The following ADCY9 variants were observed in gnomAD, a reference collection of about 807,000 sequenced individuals.
The protein encoded by ADCY9 is adenylate cyclase type 9.
A neutral mutation model predicts 101.5 loss-of-function variants in ADCY9; 50 were observed. The observed-to-expected ratio is 0.49, with a 90% CI of 0.39 to 0.62. The LOEUF (loss-of-function observed/expected upper bound fraction) is 0.62, where lower values mean the gene tolerates loss of function less well. Among genes scored for constraint, ADCY9 ranks in the 20% least tolerant of loss-of-function variants. ADCY9 has a pLI of 0.00. For synonymous variants in ADCY9, 905 were observed against 769.3 expected, an observed-to-expected ratio of 1.18 and a Z score of -2.92; for missense variants, 1,662 against 1,800.4, an observed-to-expected ratio of 0.92 and a Z score of 1.39.
intron 2 of ADCY9, among the ~76,000 whole-genome samples, chr16:4,031,737 C>A (rs1303636572): frequency 2.6e-5 from 4 of 151,762 alleles, no homozygotes; most frequent in Non-Finnish European, 5.9e-5. Flanking sequence ...ATTAATCAGG[C>A]ATGGTGGTGC....
At chr16:4,055,461 G>T (rs571792819) in intron 2 of ADCY9, among the ~76,000 whole-genome samples, 1 of 151,792 alleles carries the variant, frequency 6.6e-6, no homozygotes, top group African/African-American at 2.4e-5. Flanking sequence ...TTGAACCCAG[G>T]AGGTAGAGGT....
chr16:3,983,033 T>C lies in ADCY9; in HGVS notation c.2519+199A>G, dbSNP rs1048028513. On this transcript the variant is annotated intron_variant, in intron 7 of 10. Transcript: ENST00000294016. Reference sequence around the variant, plus strand: ...GGCACCGCCCCCTCCAGCGAGGTGGTCCCCCCGCATCTGGGCCAACGTCAG... The same window carrying C: ...GGCACCGCCCCCTCCAGCGAGGTGGCCCCCCCGCATCTGGGCCAACGTCAG... The C allele has an allele frequency of 1.0e-3, 616 of 599,090 alleles. 1 individual carries two copies. Among genetic ancestry groups the C allele is most frequent in the Non-Finnish European group, 1.5e-3 (518 of 344,096 alleles). 37.1% of individuals were successfully genotyped at this position (599,090 alleles called of 1,614,324 possible). A position where few individuals can be genotyped will look rare whatever the true frequency, so the allele number is the denominator to read the frequency against.
At chr16:4,084,618 C>G (rs553603025) in intron 2 of ADCY9, among the ~76,000 whole-genome samples, 3 of 152,046 alleles carry the variant, frequency 2.0e-5, no homozygotes, top group Non-Finnish European at 4.4e-5. Context: ...TCCAGCTACT[C>G]AGGAGGCTGA....
intron 2 of ADCY9, among the ~76,000 whole-genome samples, chr16:4,068,362 T>C (rs1440111227): frequency 6.6e-6 from 1 of 152,024 alleles, no homozygotes; most frequent in Non-Finnish European, 1.5e-5. Flanking sequence ...TAGTACAAGT[T>C]CCTCTAATCC....
In ADCY9 at chr16:3,992,822, C is replaced by T. The variant is rs891066147; in HGVS notation, c.1990-459G>A. On this transcript the variant is annotated intron_variant, in intron 4 of 10. Coordinates refer to ENST00000294016, the MANE Select transcript of ADCY9 (RefSeq NM_001116.4). The surrounding 1 kb of genome is among the most constrained non-coding windows in gnomAD (Gnocchi z 4.2). Reference sequence around the variant, plus strand: ...ACGGGCTCGTGTCGTGGGTGTCCCCCGTGGCTGTGGGAAGGCATGGGATGA... The same window carrying T: ...ACGGGCTCGTGTCGTGGGTGTCCCCTGTGGCTGTGGGAAGGCATGGGATGA... Among the ~76,000 whole-genome samples, 7 of 152,084 alleles carry T rather than the reference C, an allele frequency of 4.6e-5. No homozygotes were observed. The highest frequency in any genetic ancestry group is 2.0e-4 in the Admixed American group (3 of 15,260).
intron 2 of ADCY9, among the ~76,000 whole-genome samples, chr16:4,031,474 G>C (rs2056554713): frequency 6.6e-6 from 1 of 152,194 alleles, no homozygotes; most frequent in Non-Finnish European, 1.5e-5. Context: ...CCTACACTGA[G>C]ACAGCCAAAG....
chr16:4,043,088 G>T (rs567031587), intron 2 of ADCY9, among the ~76,000 whole-genome samples: 1 of 152,018 alleles, frequency 6.6e-6, no homozygotes, highest in African/African-American at 2.4e-5. Flanking sequence ...AAAATTAGCC[G>T]GGCGTGGTGG....
chr16:4,059,446 G>A (rs573599816), intron 2 of ADCY9, among the ~76,000 whole-genome samples: 9 of 151,292 alleles, frequency 5.9e-5, no homozygotes, highest in Non-Finnish European at 1.2e-4. Context: ...AAGATGACCT[G>A]GGGAGAGGGG....
At chr16:4,018,787 T>C (rs2056455336) in intron 2 of ADCY9, among the ~76,000 whole-genome samples, 1 of 152,190 alleles carries the variant, frequency 6.6e-6, no homozygotes, top group African/African-American at 2.4e-5. Context: ...ACAGAGCACA[T>C]GCAGACTTGT....
In ADCY9 at chr16:3,994,555, A is replaced by C. The variant is rs181782730; in HGVS notation, c.1885-1045T>G. 3.1e-3 allele frequency among the ~76,000 whole-genome samples: 466 copies of C among 152,318 alleles called. 3 individuals are homozygous for C. Among genetic ancestry groups the C allele is most frequent in the African/African-American group, 0.011 (444 of 41,570 alleles). On this transcript the variant is annotated intron_variant, in intron 3 of 10. Coordinates refer to ENST00000294016, the MANE Select transcript of ADCY9 (RefSeq NM_001116.4). ...ACTGCAACGTCCACCTCCTGGGTTC[A>C]AGCGATTCTCCTGCCTCAGCCTCCT...
chr16:4,057,650 C>T (rs547540225), intron 2 of ADCY9, among the ~76,000 whole-genome samples: 1 of 152,320 alleles, frequency 6.6e-6, no homozygotes, highest in South Asian at 2.1e-4. Flanking sequence ...CCAGAGGGCC[C>T]CCACAAAGCT....
At chr16:4,027,716 G>A (rs1223616795) in intron 2 of ADCY9, among the ~76,000 whole-genome samples, 2 of 152,054 alleles carry the variant, frequency 1.3e-5, no homozygotes, top group East Asian at 3.9e-4. Flanking sequence ...ATCTCTACTA[G>A]TAAAACAAAA....
At chr16:4,107,234 G>A (rs185027213) in intron 2 of ADCY9, among the ~76,000 whole-genome samples, 1 of 152,204 alleles carries the variant, frequency 6.6e-6, no homozygotes, top group East Asian at 1.9e-4. Context: ...GTATTTCCAC[G>A]TGCATAACAG....
chr16:4,035,872 G>C (rs183024169), intron 2 of ADCY9, among the ~76,000 whole-genome samples: 16 of 152,084 alleles, frequency 1.1e-4, no homozygotes, highest in Non-Finnish European at 1.9e-4. Flanking sequence ...GGTGGCACAT[G>C]ATTGTAATCC....
At chr16:4,088,917 G>A (rs181631070) in intron 2 of ADCY9, among the ~76,000 whole-genome samples, 16 of 151,948 alleles carry the variant, frequency 1.1e-4, no homozygotes, top group African/African-American at 3.6e-4. Context: ...TAGCCCATTC[G>A]AGAACATTTT....
chr16:4,047,705 C>A (rs1179540259), intron 2 of ADCY9, among the ~76,000 whole-genome samples: 1 of 152,134 alleles, frequency 6.6e-6, no homozygotes, highest in Non-Finnish European at 1.5e-5. Flanking sequence ...AATCCATGAC[C>A]AATCAGGTCC....
chr16:4,028,166 A>T (rs1360385315), intron 2 of ADCY9, among the ~76,000 whole-genome samples: 1 of 152,234 alleles, frequency 6.6e-6, no homozygotes, highest in Non-Finnish European at 1.5e-5. Flanking sequence ...TATGATCCTT[A>T]GAACCGTATA....
intron 2 of ADCY9, among the ~76,000 whole-genome samples, chr16:4,092,384 G>C (rs970678211): frequency 6.6e-6 from 1 of 152,184 alleles, no homozygotes; most frequent in African/African-American, 2.4e-5. Context: ...CGTTTCTTGG[G>C]AAAGTAAGCA....
At chr16:3,970,138 A>G (rs2056038056) in intron 10 of ADCY9, among the ~76,000 whole-genome samples, 1 of 152,082 alleles carries the variant, frequency 6.6e-6, no homozygotes, top group Non-Finnish European at 1.5e-5. Context: ...TGGTCACTAT[A>G]TACTTATATA....
Sources: allele counts gnomAD v4.1 joint callset (sites outside exome capture counted in the v4.1 genomes callset), GRCh38; gene constraint gnomAD v4.1.1; non-coding constraint Gnocchi (gnomAD v3.1); transcripts MANE v1.5; gene names NCBI Gene and HGNC (gene_info 2026-07-23, HGNC 2026-07-21).